Variants in SPTA1 observed in about 807,000 individuals in gnomAD.
SPTA1 encodes the protein spectrin alpha chain, erythrocytic 1.
A neutral mutation model predicts 324.7 loss-of-function variants in SPTA1; 177 were observed. The ratio of observed to expected loss-of-function variants is 0.55; its 90% confidence interval spans 0.48 to 0.62. The LOEUF is 0.62. Ranked by LOEUF, SPTA1 falls within the 20% of genes least tolerant of loss-of-function variation. SPTA1 has a pLI of 0.00. For synonymous variants in SPTA1, 1,195 were observed against 1,041.3 expected, an observed-to-expected ratio of 1.15 and a Z score of -2.84; for missense variants, 3,162 against 2,883.6, an observed-to-expected ratio of 1.10 and a Z score of -2.21.
intron 36 of SPTA1, among the ~76,000 whole-genome samples, chr1:158,637,084 A>C (rs919353171): frequency 6.6e-6 from 1 of 152,182 alleles, no homozygotes; most frequent in Non-Finnish European, 1.5e-5. Context: ...TTCCTATTTC[A>C]AAAAAATGTG....
intron 45 of SPTA1, among the ~76,000 whole-genome samples, chr1:158,618,683 A>T (rs1019354729): frequency 6.6e-6 from 1 of 152,208 alleles, no homozygotes; most frequent in African/African-American, 2.4e-5. Flanking sequence ...TCTCATTAGA[A>T]CTTTAGTAGG....
chr1:158,650,260 T>A (rs1214094659), intron 24 of SPTA1, among the ~76,000 whole-genome samples: 1 of 152,192 alleles, frequency 6.6e-6, no homozygotes, highest in Non-Finnish European at 1.5e-5. Context: ...GCCTTGGTAG[T>A]TAGAAGTGAT....
Position 158,662,748 on chromosome 1 carries a change from C to T in SPTA1, c.2418G>A (p.Glu806=), listed in dbSNP as rs35318623. Residue 806 remains glutamate (E), a synonymous_variant, in exon 17 of 52, where the codon GAG becomes GAA. Coordinates refer to ENST00000643759, the MANE Select transcript of SPTA1 (RefSeq NM_003126.4). ...QLICRDTEDE[E]AWIQETEPSA... ...AGGGTTCAGTCTCTTGGATCCAGGCCTCCTCATCCTCTGTGTCTCTACAAA... is the reference window on the plus strand; with the variant it reads ...AGGGTTCAGTCTCTTGGATCCAGGCTTCCTCATCCTCTGTGTCTCTACAAA... 4.1e-3 allele frequency: 6,555 copies of T among 1,613,954 alleles called. 233 individuals are homozygous for T. In the African/African-American group the frequency reaches 0.074, roughly 18 times the overall value.
intron 11 of SPTA1, 43 bp from the exon 12 acceptor site, chr1:158,671,496 T>A: frequency 6.7e-7 from 1 of 1,490,070 alleles, no homozygotes; most frequent in Non-Finnish European, 9.3e-7. Context: ...GTCTGACCGG[T>A]AAGAAACATT....
In SPTA1 at chr1:158,643,472, C is replaced by G. The variant is rs375134606; in HGVS notation, c.4339-47G>C. The G allele has an allele frequency of 3.2e-6, 5 of 1,568,674 alleles. No individual in the cohort carries two copies. The South Asian group carries it at 4.5e-5, about 14-fold the overall frequency. On this transcript the variant is annotated intron_variant, in intron 30 of 51. Transcript: ENST00000643759. ...AGCCCAGATGCTTGGAGATTAGGCT[C>G]TTGGTGCAATCCCAGACTCCCTCCT... is the stretch of plus-strand genomic sequence containing the variant.
intron 20 of SPTA1, 40 bp from the exon 21 acceptor site, chr1:158,654,788 A>T: frequency 6.2e-7 from 1 of 1,610,710 alleles, no homozygotes; most frequent in Non-Finnish European, 8.5e-7. Flanking sequence ...CACGCACTGG[A>T]AATATCTCCC....
intron 51 of SPTA1, chr1:158,612,559 A>G (rs1649324349): frequency 2.1e-6 from 1 of 467,296 alleles, no homozygotes; most frequent in South Asian, 2.1e-5. Flanking sequence ...TTAATGAGGA[A>G]AAAAAAAAGA....
At chr1:158,668,099 C>T (rs199918361) in intron 14 of SPTA1, 37 bp from the exon 15 acceptor site, 52 of 1,575,490 alleles carry the variant, frequency 3.3e-5, no homozygotes, top group Admixed American at 3.2e-4. Flanking sequence ...AAACCATTAC[C>T]TGAAGAATGA....
In SPTA1 at chr1:158,676,269, C is replaced by T; in HGVS notation, c.984G>A (p.Glu328=). 2 of 1,613,646 alleles carry T rather than the reference C, an allele frequency of 1.2e-6. No individual in the cohort carries two copies. The highest frequency in any genetic ancestry group is 1.7e-6 in the Non-Finnish European group (2 of 1,179,722). Reference sequence around the variant, plus strand: ...CTGAAGGATGGGAAAGTGTCAGCTTCTCTGCTTTAGCACATAACTCCTTCA... The same window carrying T: ...CTGAAGGATGGGAAAGTGTCAGCTTTTCTGCTTTAGCACATAACTCCTTCA... ...DKVKELCAKA[E]KLTLSHPSDA... The change falls in exon 8 of 52, where the codon GAG becomes GAA. Residue 328 remains glutamate (E), a synonymous_variant. Coordinates refer to ENST00000643759, the MANE Select transcript of SPTA1 (RefSeq NM_003126.4).
chr1:158,620,737 TA>T (rs1174467187), intron 43 of SPTA1: 1 of 363,732 alleles, frequency 2.7e-6, no homozygotes, highest in Non-Finnish European at 4.9e-6. Flanking sequence ...TTTCTAAAAT[TA>T]TTTCAGTTTT....
At position 158,680,646 on chromosome 1, in the gene SPTA1, C is replaced by T. The variant is rs1352586791; in HGVS notation, c.615G>A (p.Val205=). 1.2e-6 allele frequency: 2 copies of T among 1,613,798 alleles called. No individual in the cohort carries two copies. The highest frequency in any genetic ancestry group is 1.7e-6 in the Non-Finnish European group (2 of 1,179,888). Residue 205 remains valine, a synonymous_variant, in exon 5 of 52, where the codon GTG becomes GTA. Coordinates refer to ENST00000643759, the MANE Select transcript of SPTA1 (RefSeq NM_003126.4). ...VLHKKFEDFQ[V]ELVAKEGRVV... ...CTCTCCCTTCTTTAGCTACCAGCTC[C>T]ACTTGGAAGTCTTCAAATTTCTTAT...
chr1:158,647,415 G>T, intron 27 of SPTA1, 124 bp downstream of exon 27: 1 of 1,220,250 alleles, frequency 8.2e-7, no homozygotes, highest in Non-Finnish European at 1.2e-6. Context: ...TTTATGCCTT[G>T]CAAGAGGTGA....
chr1:158,611,326 C>T lies in SPTA1; in HGVS notation c.7198G>A (p.Gly2400Ser). ...TCATAGCCAGAGAGATGGCTTCGAC[C>T]CCGTGGGTCCATATATTGCTGCATA... Reference protein sequence around the residue: ...THMQQYMDPRGRSHLSGYDYV... With the variant: ...THMQQYMDPRSRSHLSGYDYV... Residue 2400 changes from glycine to serine, a missense_variant, in exon 52 of 52, where the codon GGT becomes AGT. Coordinates refer to ENST00000643759, the MANE Select transcript of SPTA1 (RefSeq NM_003126.4). 1 of 1,613,746 alleles carries T rather than the reference C, an allele frequency of 6.2e-7. No individual in the cohort carries two copies. The highest frequency in any genetic ancestry group is 8.5e-7 in the Non-Finnish European group (1 of 1,179,790).
At chr1:158,618,223 A>C (rs1649697180) in intron 45 of SPTA1, 167 bp from the exon 46 acceptor site, 2 of 683,916 alleles carry the variant, frequency 2.9e-6, no homozygotes, top group South Asian at 3.6e-5. Flanking sequence ...GGCCTCTCCC[A>C]CTCTGAGAAG....
Position 158,637,990 on chromosome 1 carries a change from C to T in SPTA1, c.5189+43G>A. 1.9e-6 allele frequency: 3 copies of T among 1,592,716 alleles called. No individual in the cohort carries two copies. In the South Asian group the frequency reaches 3.3e-5, roughly 18 times the overall value. The stretch of plus-strand genomic sequence containing the variant: ...TGGAACAAGTTTGGTGGATTATCTA[C>T]TCGCTTGTATTATCCACACATTTTT... On this transcript the variant is annotated intron_variant, in intron 36 of 51. Coordinates refer to ENST00000643759, the MANE Select transcript of SPTA1 (RefSeq NM_003126.4).
intron 8 of SPTA1, among the ~76,000 whole-genome samples, chr1:158,675,744 G>T (rs964764939): frequency 1.3e-5 from 2 of 152,162 alleles, no homozygotes; most frequent in Admixed American, 6.6e-5. Context: ...CTGCTACTAA[G>T]TGACTAACGA....
rs747304724 is a variant in SPTA1 at position 158,639,952 on chromosome 1, T to C, written c.4793A>G (p.Asp1598Gly). The change falls in exon 34 of 52, where the codon GAC (aspartate) becomes GGC (glycine). Residue 1598 changes from aspartate to glycine, a missense_variant. By Grantham distance (94) the Asp-to-Gly change is moderately conservative (BLOSUM62 -1). Coordinates refer to ENST00000643759, the MANE Select transcript of SPTA1 (RefSeq NM_003126.4). ...GGCCTCATTGAGCTTCTTCCCTTTG[T>C]CATTTGTTCTCTCAAGCAGATGATC... ...HWDHLLERTNDKGKKLNEASR... is the reference protein window; with the variant it reads ...HWDHLLERTNGKGKKLNEASR... 1.2e-6 allele frequency: 2 copies of C among 1,613,944 alleles called. No homozygotes were observed. Among genetic ancestry groups the C allele is most frequent in the East Asian group, 2.2e-5 (1 of 44,858 alleles).
At chr1:158,650,056 C>T in intron 24 of SPTA1, 109 bp from the exon 25 acceptor site, 1 of 817,584 alleles carries the variant, frequency 1.2e-6, no homozygotes. Context: ...ACGTTATTTT[C>T]TTCAGAAATT....
intron 40 of SPTA1, 114 bp from the exon 41 acceptor site, chr1:158,627,121 G>T: frequency 7.2e-7 from 1 of 1,384,568 alleles, no homozygotes; most frequent in Non-Finnish European, 1.0e-6. Flanking sequence ...AACCAAGTGT[G>T]ACCGTCTTAG....
Sources: gnomAD v4.1 joint callset for allele counts (sites outside exome capture counted in the v4.1 genomes callset) on GRCh38, gnomAD v4.1.1 for gene constraint, MANE v1.5 for transcripts, NCBI Gene and HGNC (gene_info 2026-07-23, HGNC 2026-07-21) for gene names.